The following TBC1D24 variants were observed in gnomAD, a reference collection of about 807,000 sequenced individuals.
TBC1D24 encodes the protein TBC1 domain family member 24.
TBC1D24 carries 47 observed loss-of-function variants against 50.7 expected under a neutral mutation model. The ratio of observed to expected loss-of-function variants is 0.93; its 90% confidence interval spans 0.73 to 1.18. The LOEUF is 1.18. Among genes scored for constraint, TBC1D24 ranks in the 50% most tolerant of loss-of-function variants. The pLI is 0.00. For synonymous variants in TBC1D24, 324 were observed against 335.2 expected (o/e 0.97, Z 0.36); for missense variants, 688 against 766.5 (o/e 0.90, Z 1.21).
At position 2,500,815 on chromosome 16, in the gene TBC1D24, G is replaced by A. The variant is rs779026472; in HGVS notation, c.1537G>A (p.Gly513Ser). 1.1e-5 allele frequency: 17 copies of A among 1,605,332 alleles called. No homozygotes were observed. Among genetic ancestry groups the A allele is most frequent in the East Asian group, 6.7e-5 (3 of 44,870 alleles). Reference sequence around the variant, plus strand: ...TGAGCATCCTGCAGGGGGAGGAGGCGGCCAGGCGCTCTACATCGATGGGGA... The same window carrying A: ...TGAGCATCCTGCAGGGGGAGGAGGCAGCCAGGCGCTCTACATCGATGGGGA... Reference protein sequence around the residue: ...SDCLIVGGGGGQALYIDGDLN... With the variant: ...SDCLIVGGGGSQALYIDGDLN... Residue 513 changes from glycine to serine, a missense_variant, in exon 8 of 8, where the codon GGC becomes AGC. Gly to Ser is a moderately conservative substitution (Grantham distance 56). Transcript: ENST00000646147. This position sits in a 1 kb window ranked among gnomAD's most constrained non-coding sequence, Gnocchi z 8.0.
At position 2,485,869 on chromosome 16, in the gene TBC1D24, CCAGGCCCTCT is replaced by C. The variant is rs1463087554; in HGVS notation, c.-115-10161_-115-10152del. ...TTTTCCAAAGAGTCCAGACACGCTT[CCAGGCCCTCT>C]CAGCCACCCCCACACCGTCCCTACC... On this transcript the variant is annotated intron_variant, in intron 1 of 7. Coordinates refer to ENST00000646147, the MANE Select transcript of TBC1D24 (RefSeq NM_001199107.2). This position sits in a 1 kb window ranked among gnomAD's most constrained non-coding sequence, Gnocchi z 4.6. Among the ~76,000 whole-genome samples, 2 of 152,202 alleles carry C rather than the reference CCAGGCCCTCT, an allele frequency of 1.3e-5. No individual in the cohort carries two copies. Among genetic ancestry groups the C allele is most frequent in the Non-Finnish European group, 2.9e-5 (2 of 68,032 alleles).
At chr16:2,489,790 G>A (rs974659139) in intron 1 of TBC1D24, among the ~76,000 whole-genome samples, 1 of 152,244 alleles carries the variant, frequency 6.6e-6, no homozygotes, top group African/African-American at 2.4e-5. Context: ...GTAAGGATGA[G>A]AGCATCCTCA....
chr16:2,496,047 A>T lies in TBC1D24; in HGVS notation c.-102A>T, dbSNP rs1358741556. The stretch of plus-strand genomic sequence containing the variant: ...TTAATCCTGCAGGGTGTGAGATGGC[A>T]GACAGGTTTGCAGGAAACCCTCAGA... On this transcript the variant is annotated 5_prime_UTR_variant, in exon 2 of 8. Coordinates refer to ENST00000646147, the MANE Select transcript of TBC1D24 (RefSeq NM_001199107.2). The T allele has an allele frequency of 2.0e-6, 3 of 1,476,706 alleles. No individual in the cohort carries two copies. The East Asian group carries it at 6.9e-5, about 34-fold the overall frequency. The allele number at this position is 1,476,706 out of a possible 1,614,324, so 91.5% of individuals were successfully genotyped here.
In TBC1D24 at chr16:2,500,240, A is replaced by C. The variant is rs2141876943; in HGVS notation, c.1303-28A>C. The C allele has an allele frequency of 1.9e-6, 3 of 1,564,660 alleles. No homozygotes were observed. The stretch of plus-strand genomic sequence containing the variant: ...AGAGGGGCCTGCGAACGCCCGCGCC[A>C]GCTCCTCACACTCCCCTTCCACCCC... On this transcript the variant is annotated intron_variant, in intron 6 of 7. Transcript: ENST00000646147. The surrounding 1 kb of genome is among the most constrained non-coding windows in gnomAD (Gnocchi z 8.0).
In TBC1D24 at chr16:2,500,213, G is replaced by C; in HGVS notation, c.1303-55G>C. The C allele has an allele frequency of 6.8e-7, 1 of 1,465,618 alleles. No homozygotes were observed. The highest frequency in any genetic ancestry group is 1.9e-5 in the Admixed American group (1 of 51,662). 90.8% of individuals were successfully genotyped at this position (1,465,618 alleles called of 1,614,324 possible). On this transcript the variant is annotated intron_variant, in intron 6 of 7. Coordinates refer to ENST00000646147, the MANE Select transcript of TBC1D24 (RefSeq NM_001199107.2). The surrounding 1 kb of genome is among the most constrained non-coding windows in gnomAD (Gnocchi z 8.0). ...GGATGAAACGGGTTGTGGCTCTGGGGCAGAGGGGCCTGCGAACGCCCGCGC... is the reference window on the plus strand; with the variant it reads ...GGATGAAACGGGTTGTGGCTCTGGGCCAGAGGGGCCTGCGAACGCCCGCGC...
rs574240758 is a variant in TBC1D24, at chr16:2,487,388, C to G, written c.-115-8646C>G. On this transcript the variant is annotated intron_variant, in intron 1 of 7. Transcript: ENST00000646147. This position sits in a 1 kb window ranked among gnomAD's most constrained non-coding sequence, Gnocchi z 4.1. ...GCTGCCTCCTCACGTTTGCTGTGAC[C>G]TGGGACAGGAGCGGTCCCCAGGAAG... Among the ~76,000 whole-genome samples, 4 of 152,354 alleles carry G rather than the reference C, an allele frequency of 2.6e-5. No individual in the cohort carries two copies. The highest frequency in any genetic ancestry group is 1.9e-4 in the East Asian group (1 of 5,186).
At position 2,500,125 on chromosome 16, in the gene TBC1D24, C is replaced by A; in HGVS notation, c.1303-143C>A. ...GGGCAGGGGGCTTCATCTGCTCGAGCCACCAGCTCCCCAGCCCCTGGCTCG... is the reference window on the plus strand; with the variant it reads ...GGGCAGGGGGCTTCATCTGCTCGAGACACCAGCTCCCCAGCCCCTGGCTCG... On this transcript the variant is annotated intron_variant, in intron 6 of 7. Coordinates refer to ENST00000646147, the MANE Select transcript of TBC1D24 (RefSeq NM_001199107.2). This position sits in a 1 kb window ranked among gnomAD's most constrained non-coding sequence, Gnocchi z 8.0. 3 of 973,188 alleles carry A rather than the reference C, an allele frequency of 3.1e-6. No individual in the cohort carries two copies. The highest frequency in any genetic ancestry group is 1.6e-5 in the African/African-American group (1 of 62,128). The allele number at this position is 973,188 out of a possible 1,614,324, so 60.3% of individuals were successfully genotyped here.
In TBC1D24 at chr16:2,501,243, C is replaced by A; in HGVS notation, c.*285C>A. On this transcript the variant is annotated 3_prime_UTR_variant, in exon 8 of 8. Transcript: ENST00000646147. ...GAAGTACCTTCCTCCTCCGTGGAGG[C>A]TTCCATAGCCCAAGGCCTTGGGAGT... 1 of 510,556 alleles carries A rather than the reference C, an allele frequency of 2.0e-6. No homozygotes were observed. Among genetic ancestry groups the A allele is most frequent in the Non-Finnish European group, 3.6e-6 (1 of 280,156 alleles). The allele number at this position is 510,556 out of a possible 1,614,324, so 31.6% of individuals were successfully genotyped here.
At chr16:2,492,437 G>T (rs930451302) in intron 1 of TBC1D24, among the ~76,000 whole-genome samples, 1 of 152,214 alleles carries the variant, frequency 6.6e-6, no homozygotes, top group Non-Finnish European at 1.5e-5. Context: ...GGCCAGCCGA[G>T]TGGAGGCTGG....
chr16:2,498,178 G>A (rs1306826041), intron 3 of TBC1D24, 60 bp from the exon 4 acceptor site: 1 of 1,544,148 alleles, frequency 6.5e-7, no homozygotes, highest in African/African-American at 1.4e-5. Flanking sequence ...GCATACCTCG[G>A]GGGGCATGGC....
At chr16:2,494,893 C>T (rs947531960) in intron 1 of TBC1D24, among the ~76,000 whole-genome samples, 2 of 152,082 alleles carry the variant, frequency 1.3e-5, no homozygotes, top group South Asian at 2.1e-4. Context: ...AAGATTAAGG[C>T]AAATAATGTG....
intron 1 of TBC1D24, chr16:2,484,158 C>CCACCT: frequency 6.6e-6 from 1 of 152,448 alleles, no homozygotes. Context: ...CCTCCCCTCC[C>CCACCT]CACCTCACCA....
intron 1 of TBC1D24, among the ~76,000 whole-genome samples, chr16:2,488,525 G>GTTT (rs2065669111): frequency 8.8e-6 from 1 of 113,884 alleles, no homozygotes; most frequent in African/African-American, 3.7e-5. Flanking sequence ...TTTTTTTGTG[G>GTTT]GATGGAGTCT....
In TBC1D24 at chr16:2,496,692, AC is replaced by A. The variant is rs1217459647; in HGVS notation, c.545del (p.Thr182SerfsTer6). The A allele has an allele frequency of 6.2e-7, 1 of 1,613,420 alleles. No individual in the cohort carries two copies. Among genetic ancestry groups the A allele is most frequent in the Non-Finnish European group, 8.5e-7 (1 of 1,180,014 alleles). ...SFLAFESSCM[T>X]FGDLVNKYCQ... ...CCTGGCCTTTGAGTCGTCCTGCATG[AC>A]GTTTGGGGACCTGGTGAACAAGTAC... On this transcript the variant is annotated frameshift_variant, in exon 2 of 8. Transcript: ENST00000646147. LOFTEE classifies it high-confidence loss of function.
At chr16:2,488,221 C>T (rs2065666279) in intron 1 of TBC1D24, among the ~76,000 whole-genome samples, 1 of 152,180 alleles carries the variant, frequency 6.6e-6, no homozygotes, top group Non-Finnish European at 1.5e-5. Context: ...TTGGAGCTCC[C>T]ATGGAGTGAG....
chr16:2,495,002 T>TCA (rs527454795), intron 1 of TBC1D24, among the ~76,000 whole-genome samples: 10,938 of 137,746 alleles, frequency 0.079, 396 homozygotes, highest in African/African-American at 0.11. Context: ...CAAGACCCCA[T>TCA]CACACACACA....
intron 1 of TBC1D24, among the ~76,000 whole-genome samples, chr16:2,492,863 C>T (rs9939079): frequency 1.3e-4 from 20 of 152,178 alleles, no homozygotes; most frequent in Middle Eastern, 6.8e-3. Context: ...GAGGCTGAGG[C>T]GGGCGGATCA....
intron 1 of TBC1D24, among the ~76,000 whole-genome samples, chr16:2,488,877 G>A (rs1466014450): frequency 6.2e-5 from 9 of 146,146 alleles, no homozygotes; most frequent in South Asian, 2.2e-4. Flanking sequence ...TGGCTAACAC[G>A]GTGAAACCCC....
chr16:2,489,077 A>G (rs537958793), intron 1 of TBC1D24, among the ~76,000 whole-genome samples: 2 of 150,522 alleles, frequency 1.3e-5, no homozygotes, highest in African/African-American at 2.4e-5. Flanking sequence ...CTCAAAAAAA[A>G]AAAAAAACAA....
Sources: allele counts gnomAD v4.1 joint callset (sites outside exome capture counted in the v4.1 genomes callset), GRCh38; gene constraint gnomAD v4.1.1; non-coding constraint Gnocchi (gnomAD v3.1); transcripts MANE v1.5; gene names NCBI Gene and HGNC (gene_info 2026-07-23, HGNC 2026-07-21).